The following PCNX2 variants were observed in gnomAD, a reference collection of about 807,000 sequenced individuals.
The protein encoded by PCNX2 is pecanex 2, also known as pecanex-like protein 2.
Under a neutral mutation model 223.8 loss-of-function variants are expected in PCNX2, and 168 were observed. That is an observed-to-expected ratio of 0.75 (90% CI 0.66 to 0.85). The LOEUF is 0.85. Among genes scored for constraint, PCNX2 ranks in the 40% least tolerant of loss-of-function variants. The pLI, the probability that PCNX2 is intolerant of heterozygous loss-of-function variation, is 0.00. For missense variants in PCNX2, 2,507 were observed against 2,675.5 expected, an observed-to-expected ratio of 0.94 and a Z score of 1.39; for synonymous variants, 1,006 against 1,052.6, an observed-to-expected ratio of 0.96 and a Z score of 0.86.
At chr1:233,090,261 T>G in intron 22 of PCNX2, 71 bp from the exon 23 acceptor site, 1 of 1,541,840 alleles carries the variant, frequency 6.5e-7, no homozygotes, top group Non-Finnish European at 8.8e-7. Context: ...TTTCAAATTT[T>G]GATGAGTTTT....
chr1:233,074,902 T>C (rs77235572), intron 23 of PCNX2, among the ~76,000 whole-genome samples: 2,088 of 152,004 alleles, frequency 0.014, 21 homozygotes, highest in Non-Finnish European at 0.021. Flanking sequence ...ATGGCTACAA[T>C]AAAAAATAGT....
intron 5 of PCNX2, among the ~76,000 whole-genome samples, chr1:233,255,195 C>T (rs55954275): frequency 0.028 from 4,278 of 152,140 alleles, 107 homozygotes; most frequent in African/African-American, 0.072. Flanking sequence ...ATAATTAGCC[C>T]GAAATGGCCA....
chr1:233,279,600 A>T (rs1381779126), intron 1 of PCNX2, among the ~76,000 whole-genome samples: 1 of 152,074 alleles, frequency 6.6e-6, no homozygotes, highest in East Asian at 1.9e-4. Context: ...TTATAATTTT[A>T]AAGATTACAA....
intron 23 of PCNX2, among the ~76,000 whole-genome samples, chr1:233,062,893 G>T (rs990198661): frequency 2.6e-5 from 4 of 152,056 alleles, no homozygotes; most frequent in Admixed American, 1.3e-4. Context: ...AAATGAAATA[G>T]GTAATCCCCT....
intron 21 of PCNX2, among the ~76,000 whole-genome samples, chr1:233,107,861 T>C (rs924461234): frequency 1.3e-5 from 2 of 152,084 alleles, no homozygotes; most frequent in South Asian, 2.1e-4. Context: ...AGTCACAGGA[T>C]GAGAGAGGAA....
chr1:233,041,790 T>A (rs1267058375), intron 25 of PCNX2, among the ~76,000 whole-genome samples: 2 of 152,204 alleles, frequency 1.3e-5, no homozygotes, highest in East Asian at 3.8e-4. Flanking sequence ...AGTCCTTATG[T>A]GTGAATAATT....
At chr1:233,118,738 T>C (rs1471966407) in intron 21 of PCNX2, among the ~76,000 whole-genome samples, 4 of 152,188 alleles carry the variant, frequency 2.6e-5, no homozygotes, top group African/African-American at 9.7e-5. Context: ...ATGGCTACTG[T>C]AGTTACAGAT....
chr1:233,169,504 G>T (rs554212258), intron 17 of PCNX2, among the ~76,000 whole-genome samples: 1 of 151,478 alleles, frequency 6.6e-6, no homozygotes, highest in South Asian at 2.1e-4. Flanking sequence ...AATTAGCCGG[G>T]CATGGTGGCG....
At chr1:233,167,429 T>C (rs1678867085) in intron 17 of PCNX2, among the ~76,000 whole-genome samples, 1 of 152,122 alleles carries the variant, frequency 6.6e-6, no homozygotes, top group Admixed American at 6.6e-5. Context: ...GATGGGGATA[T>C]GTGTGTTAGA....
intron 25 of PCNX2, among the ~76,000 whole-genome samples, chr1:233,028,702 T>C (rs1415753762): frequency 6.6e-6 from 1 of 152,236 alleles, no homozygotes; most frequent in African/African-American, 2.4e-5. Context: ...TTATCTAGTC[T>C]GATGATCTCC....
chr1:233,002,531 T>A (rs1670125102), intron 28 of PCNX2, among the ~76,000 whole-genome samples: 1 of 152,096 alleles, frequency 6.6e-6, no homozygotes, highest in Non-Finnish European at 1.5e-5. Context: ...GGAAAAACAT[T>A]CCATGCTCAT....
chr1:233,263,343 T>C (rs1160294653), intron 1 of PCNX2, among the ~76,000 whole-genome samples, 180 bp from the exon 2 acceptor site: 1 of 152,218 alleles, frequency 6.6e-6, no homozygotes, highest in Non-Finnish European at 1.5e-5. Flanking sequence ...TTTTATTTTT[T>C]GAAGTCTTTT....
intron 1 of PCNX2, among the ~76,000 whole-genome samples, chr1:233,267,358 T>C (rs1181686629): frequency 6.6e-6 from 1 of 152,156 alleles, no homozygotes; most frequent in Non-Finnish European, 1.5e-5. Flanking sequence ...TGTTTTACTG[T>C]GGTAAAATAT....
At chr1:233,116,504 C>G (rs1331403023) in intron 21 of PCNX2, among the ~76,000 whole-genome samples, 1 of 151,980 alleles carries the variant, frequency 6.6e-6, no homozygotes, top group Non-Finnish European at 1.5e-5. Flanking sequence ...AGAAAGATAA[C>G]ACAAAAATAT....
rs374706528 is a variant in PCNX2, at chr1:233,014,751, C to T, written c.4866G>A (p.Glu1622=). The change falls in exon 28 of 34, where the codon GAG becomes GAA. Residue 1622 remains glutamate (E), a synonymous_variant. Transcript: ENST00000258229. ...AGGACAGAGTCACCAAGGGAGAGTC[C>T]TCGTCACTGTCCAGGGTCGTTGAAG... ...QEPSTTLDSD[E]DSPLVTLSFA... The T allele has an allele frequency of 6.2e-7, 1 of 1,613,930 alleles. No homozygotes were observed.
Position 233,134,816 on chromosome 1 carries a change from A to T in PCNX2, c.3837+197T>A, listed in dbSNP as rs1676714334. 5.2e-6 allele frequency: 3 copies of T among 580,178 alleles called. No individual in the cohort carries two copies. The Admixed American group carries it at 1.0e-4, about 19-fold the overall frequency. The allele number at this position is 580,178 out of a possible 1,614,324, so 35.9% of individuals were successfully genotyped here. On this transcript the variant is annotated intron_variant, in intron 21 of 33. Transcript: ENST00000258229. ...TAATTCATTTTAATTAGTGATTTTT[A>T]GCAAATAACATGGCATACTTACATT...
intron 21 of PCNX2, among the ~76,000 whole-genome samples, chr1:233,105,651 G>A (rs541926934): frequency 1.3e-5 from 2 of 152,310 alleles, no homozygotes; most frequent in South Asian, 2.1e-4. Flanking sequence ...ATGCAGGGAT[G>A]ATAGTATCCA....
intron 25 of PCNX2, chr1:233,031,756 C>T: frequency 1.0e-6 from 1 of 984,868 alleles, no homozygotes; most frequent in Non-Finnish European, 1.2e-6. Context: ...TGCCAGACCT[C>T]CTTGCTTTGG....
upstream of PCNX2, among the ~76,000 whole-genome samples, chr1:233,298,121 C>T (rs2103036508): frequency 6.6e-6 from 1 of 152,040 alleles, no homozygotes; most frequent in South Asian, 2.1e-4. Context: ...GAGAGATCAG[C>T]AGATAGTCCC....
Sources: gnomAD v4.1 joint callset for allele counts (sites outside exome capture counted in the v4.1 genomes callset) on GRCh38, gnomAD v4.1.1 for gene constraint, MANE v1.5 for transcripts, NCBI Gene and HGNC (gene_info 2026-07-23, HGNC 2026-07-21) for gene names.